CD93: variants seen among roughly 807,000 people sequenced by gnomAD.
CD93 encodes complement component C1q receptor.
CD93 carries 44 observed loss-of-function variants against 45.5 expected under a neutral mutation model. That is an observed-to-expected ratio of 0.97 (90% CI 0.76 to 1.24). The LOEUF is 1.24. Among genes scored for constraint, CD93 ranks in the 50% most tolerant of loss-of-function variants. The probability of loss-of-function intolerance (pLI) is 0.00; values close to 1 mark genes in which losing one functional copy is unlikely to be tolerated. For synonymous variants in CD93, 431 were observed against 370.8 expected, an observed-to-expected ratio of 1.16 and a Z score of -1.87; for missense variants, 918 against 844.5, an observed-to-expected ratio of 1.09 and a Z score of -1.08.
At position 23,083,198 on chromosome 20, in the gene CD93, G is replaced by C. The variant is rs918582965; in HGVS notation, c.*752C>G. The C allele has an allele frequency of 2.6e-5, 4 of 152,180 alleles. No homozygotes were observed. Among genetic ancestry groups the C allele is most frequent in the Non-Finnish European group, 5.9e-5 (4 of 68,046 alleles). 9.4% of individuals were successfully genotyped at this position (152,180 alleles called of 1,614,324 possible). On this transcript the variant is annotated 3_prime_UTR_variant, in exon 2 of 2. Coordinates refer to ENST00000246006, the MANE Select transcript of CD93 (RefSeq NM_012072.4). ...TGTGAACAAATCCCTGGCCTCTCTCGCCCTAGCCCCGTAGATTATGTGACT... is the reference window on the plus strand; with the variant it reads ...TGTGAACAAATCCCTGGCCTCTCTCCCCCTAGCCCCGTAGATTATGTGACT...
At position 23,079,945 on chromosome 20, in the gene CD93, T is replaced by C. The variant is rs1236958406; in HGVS notation, c.*4005A>G. On this transcript the variant is annotated 3_prime_UTR_variant, in exon 2 of 2. Transcript: ENST00000246006. ...ATAGTGTCTTTGATTAGTGAATATA[T>C]GGAGAATTCGGATTATCATCTCTAT... 1 of 151,824 alleles carries C rather than the reference T, an allele frequency of 6.6e-6. No individual in the cohort carries two copies. The highest frequency in any genetic ancestry group is 1.5e-5 in the Non-Finnish European group (1 of 68,006). The allele number at this position is 151,824 out of a possible 1,614,324, so 9.4% of individuals were successfully genotyped here. A position where few individuals can be genotyped will look rare whatever the true frequency, so the allele number is the denominator to read the frequency against.
Position 23,085,047 on chromosome 20 carries a change from G to A in CD93, c.1146C>T (p.Ala382=). 1.2e-6 allele frequency: 2 copies of A among 1,613,898 alleles called. No homozygotes were observed. Among genetic ancestry groups the A allele is most frequent in the Non-Finnish European group, 1.7e-6 (2 of 1,179,946 alleles). ...GYEPGGPGEG[A]CQDVDECALG... is the part of the protein sequence containing the mutation. Reference sequence around the variant, plus strand: ...GAGCACACTCATCCACATCCTGACAGGCCCCCTCTCCAGGACCGCCCGGCT... The same window carrying A: ...GAGCACACTCATCCACATCCTGACAAGCCCCCTCTCCAGGACCGCCCGGCT... Residue 382 remains alanine (A), a synonymous_variant, in exon 1 of 2, where the codon GCC becomes GCT. Transcript: ENST00000246006.
chr20:23,084,662 TG>T lies in CD93; in HGVS notation c.1530del (p.Lys511ArgfsTer77), dbSNP rs1985423143. On this transcript the variant is annotated frameshift_variant, in exon 1 of 2. Coordinates refer to ENST00000246006, the MANE Select transcript of CD93 (RefSeq NM_012072.4). LOFTEE classifies it high-confidence loss of function. ...GGTCTACTTGTGGTGGGTGTAGCCT[TG>T]GGGGTGCCCTCGGGGCCCCTTGTGG... is the stretch of plus-strand genomic sequence containing the variant. ...ASPTRGPEGT[P>X]KATPTTSRPS... 2 of 1,590,488 alleles carry T rather than the reference TG, an allele frequency of 1.3e-6. No homozygotes were observed. Among genetic ancestry groups the T allele is most frequent in the East Asian group, 2.2e-5 (1 of 44,658 alleles).
At position 23,084,694 on chromosome 20, in the gene CD93, G is replaced by T; in HGVS notation, c.1499C>A (p.Ala500Asp). The part of the protein sequence containing the change: ...EGSTVPRAAT[A>D]SPTRGPEGTP... ...GCCCTCGGGGCCCCTTGTGGGACTG[G>T]CTGTTGCAGCACGGGGCACGGTGCT... The change falls in exon 1 of 2, where the codon GCC becomes GAC. Residue 500 changes from alanine to aspartate, a missense_variant. Transcript: ENST00000246006. 1 of 1,586,848 alleles carries T rather than the reference G, an allele frequency of 6.3e-7. No homozygotes were observed. Among genetic ancestry groups the T allele is most frequent in the Non-Finnish European group, 8.6e-7 (1 of 1,167,378 alleles).
In CD93 at chr20:23,084,799, AC is replaced by A; in HGVS notation, c.1393del (p.Val465SerfsTer123). 1.7e-5 allele frequency: 28 copies of A among 1,612,952 alleles called. No homozygotes were observed. The highest frequency in any genetic ancestry group is 2.4e-5 in the Non-Finnish European group (28 of 1,179,912). On this transcript the variant is annotated frameshift_variant, in exon 1 of 2. Coordinates refer to ENST00000246006, the MANE Select transcript of CD93 (RefSeq NM_012072.4). LOFTEE classifies it high-confidence loss of function. ...AGACACAGGCCCCATGGTGCAAGAG[AC>A]CCCATTTGGGGCCAGCACCCAGCCT... ...LPGWVLAPNGVSCTMGPVSLG... is the reference protein window; with the variant it reads ...LPGWVLAPNGXSCTMGPVSLG...
chr20:23,085,980 G>A lies in CD93; in HGVS notation c.213C>T (p.His71=), dbSNP rs778708413. ...ATVKSKEEAQ[H]VQRVLAQLLR... ...GGAGCTGGGCCAGTACTCGCTGGAC[G>A]TGCTGGGCCTCCTCCTTGCTCTTCA... Residue 71 remains histidine, a synonymous_variant, in exon 1 of 2, where the codon CAC becomes CAT. Transcript: ENST00000246006. 3.1e-6 allele frequency: 5 copies of A among 1,610,886 alleles called. No homozygotes were observed. In the South Asian group the frequency reaches 3.3e-5, roughly 11 times the overall value.
rs764108866 is a variant in CD93, at chr20:23,086,166, C to A, written c.27G>T (p.Leu9=). MATSMGLL[L]LLLLLLTQPG... is the part of the protein sequence containing the mutation. The stretch of plus-strand genomic sequence containing the variant: ...GCTGGGTCAGGAGCAGCAGCAGCAG[C>A]AGCAGCAGGCCCATGGAGGTGGCCA... Residue 9 remains leucine (L), a synonymous_variant, in exon 1 of 2, where the codon CTG becomes CTT. Transcript: ENST00000246006. 6.4e-7 allele frequency: 1 copy of A among 1,554,134 alleles called. No homozygotes were observed. Among genetic ancestry groups the A allele is most frequent in the South Asian group, 1.2e-5 (1 of 85,870 alleles).
rs138932459 is a variant in CD93 at position 23,085,534 on chromosome 20, G to A, written c.659C>T (p.Ala220Val). The A allele has an allele frequency of 7.1e-5, 114 of 1,613,752 alleles. No individual in the cohort carries two copies. Among genetic ancestry groups the A allele is most frequent in the African/African-American group, 2.1e-4 (16 of 74,940 alleles). ...ACCTTCCCCACAGGCTACATTGGCC[G>A]CAGAGGCAAAGGGCACAGCCTCCAA... Reference protein sequence around the residue: ...SSLEAVPFASAANVACGEGDK... With the variant: ...SSLEAVPFASVANVACGEGDK... The change falls in exon 1 of 2, where the codon GCG becomes GTG. Residue 220 changes from alanine (A) to valine (V), a missense_variant. Ala to Val is a moderately conservative substitution (Grantham distance 64). Transcript: ENST00000246006.
rs546078067 is a variant in CD93 at position 23,084,339 on chromosome 20, C to A, written c.1854G>T (p.Glu618Asp). 6.2e-7 allele frequency: 1 copy of A among 1,614,230 alleles called. No homozygotes were observed. Among genetic ancestry groups the A allele is most frequent in the East Asian group, 2.2e-5 (1 of 44,888 alleles). ...TGTCTGCCGCATTCTGGGGCTTCTT[C>A]TCCTTCTTCTCCTCCCTCTTCGCTC... ...KRRAKREEKK[E>D]KKPQNAADSY... is the part of the protein sequence containing the mutation. Residue 618 changes from glutamate to aspartate, a missense_variant, in exon 1 of 2, where the codon GAG becomes GAT. Physicochemically the swap from Glu to Asp is conservative, Grantham distance 45 (BLOSUM62 2). Transcript: ENST00000246006.
In CD93 at chr20:23,085,987, G is replaced by C. The variant is rs748118858; in HGVS notation, c.206C>G (p.Ala69Gly). 3.1e-6 allele frequency: 5 copies of C among 1,610,860 alleles called. No individual in the cohort carries two copies. In the African/African-American group the frequency reaches 6.7e-5, roughly 22 times the overall value. Reference protein sequence around the residue: ...NLATVKSKEEAQHVQRVLAQL... With the variant: ...NLATVKSKEEGQHVQRVLAQL... ...GGCCAGTACTCGCTGGACGTGCTGGGCCTCCTCCTTGCTCTTCACAGTGGC... is the reference window on the plus strand; with the variant it reads ...GGCCAGTACTCGCTGGACGTGCTGGCCCTCCTCCTTGCTCTTCACAGTGGC... Residue 69 changes from alanine to glycine, a missense_variant, in exon 1 of 2, where the codon GCC becomes GGC. Ala to Gly is a moderately conservative substitution (Grantham distance 60). Transcript: ENST00000246006.
Position 23,080,105 on chromosome 20 carries a change from A to T in CD93, c.*3845T>A, listed in dbSNP as rs78190327. The T allele has an allele frequency of 4.2e-3, 635 of 152,564 alleles. 2 individuals are homozygous for T. The highest frequency in any genetic ancestry group is 7.3e-3 in the Non-Finnish European group (494 of 68,016). 9.5% of individuals were successfully genotyped at this position (152,564 alleles called of 1,614,324 possible). A position where few individuals can be genotyped will look rare whatever the true frequency, so the allele number is the denominator to read the frequency against. On this transcript the variant is annotated 3_prime_UTR_variant, in exon 2 of 2. Coordinates refer to ENST00000246006, the MANE Select transcript of CD93 (RefSeq NM_012072.4). ...ATTGTTCAAGGTGATGGAAATATGT[A>T]GGGGGCATTAAACCATTTTGCAGCT...
Position 23,085,803 on chromosome 20 carries a change from C to CT in CD93, c.389dup (p.Glu131GlyfsTer32). ...TGGAGATGCACGAGTTCCGGAGCTC[C>CT]TTGTGCCAGTTAGAGTAAGGCGTGT... On this transcript the variant is annotated frameshift_variant, in exon 1 of 2. Transcript: ENST00000246006. LOFTEE classifies it high-confidence loss of function. The CT allele has an allele frequency of 6.2e-7, 1 of 1,611,678 alleles. No individual in the cohort carries two copies. Among genetic ancestry groups the CT allele is most frequent in the Non-Finnish European group, 8.5e-7 (1 of 1,179,542 alleles).
In CD93 at chr20:23,083,872, G is replaced by T; in HGVS notation, c.*78C>A. On this transcript the variant is annotated 3_prime_UTR_variant, in exon 2 of 2. Coordinates refer to ENST00000246006, the MANE Select transcript of CD93 (RefSeq NM_012072.4). ...AGTCCAGTCTTTCAAAAAAATGTGG[G>T]TGCCCCTTTGGAATGGGGAGTTCAA... 1.5e-6 allele frequency: 2 copies of T among 1,336,282 alleles called. No individual in the cohort carries two copies. The highest frequency in any genetic ancestry group is 2.2e-6 in the Non-Finnish European group (2 of 926,220). 82.8% of individuals were successfully genotyped at this position (1,336,282 alleles called of 1,614,324 possible).
At position 23,085,018 on chromosome 20, in the gene CD93, C is replaced by T; in HGVS notation, c.1175G>A (p.Gly392Asp). ...ACQDVDECAL[G>D]RSPCAQGCTN... ...GCAGCCCTGGGCGCAAGGCGAGCGA[C>T]CCAGAGCACACTCATCCACATCCTG... The change falls in exon 1 of 2, where the codon GGT (glycine) becomes GAT (aspartate). Residue 392 changes from glycine (G) to aspartate (D), a missense_variant. Physicochemically the swap from Gly to Asp is moderately conservative, Grantham distance 94. Coordinates refer to ENST00000246006, the MANE Select transcript of CD93 (RefSeq NM_012072.4). 1 of 1,613,958 alleles carries T rather than the reference C, an allele frequency of 6.2e-7. No individual in the cohort carries two copies. The highest frequency in any genetic ancestry group is 1.1e-5 in the South Asian group (1 of 91,080).
Position 23,084,886 on chromosome 20 carries a change from C to G in CD93, c.1307G>C (p.Gly436Ala). The stretch of plus-strand genomic sequence containing the variant: ...GAAGCACAAGCTGTCGCAGAGGGGG[C>G]CCCCCGGGCCCACACACTCATCCAC... ...QDVDECVGPG[G>A]PLCDSLCFNT... Residue 436 changes from glycine (G) to alanine (A), a missense_variant, in exon 1 of 2, where the codon GGC becomes GCC. Gly to Ala is a moderately conservative substitution (Grantham distance 60, BLOSUM62 0). Coordinates refer to ENST00000246006, the MANE Select transcript of CD93 (RefSeq NM_012072.4). The G allele has an allele frequency of 7.4e-6, 12 of 1,611,574 alleles. No homozygotes were observed. Among genetic ancestry groups the G allele is most frequent in the African/African-American group, 1.3e-5 (1 of 74,978 alleles).
At position 23,085,465 on chromosome 20, in the gene CD93, T is replaced by C. The variant is rs182011354; in HGVS notation, c.728A>G (p.Lys243Arg). 4 of 1,613,910 alleles carry C rather than the reference T, an allele frequency of 2.5e-6. No individual in the cohort carries two copies. The highest frequency in any genetic ancestry group is 2.2e-5 in the East Asian group (1 of 44,868). Residue 243 changes from lysine to arginine, a missense_variant, in exon 1 of 2, where the codon AAG (lysine) becomes AGG (arginine). Transcript: ENST00000246006. Reference sequence around the variant, plus strand: ...GCCCCAGTCGAACACATCGGGGGCCTTCTCCTTGCACAGGAAATAATGACT... The same window carrying C: ...GCCCCAGTCGAACACATCGGGGGCCCTCTCCTTGCACAGGAAATAATGACT... ...TQSHYFLCKE[K>R]APDVFDWGSS...
Position 23,086,043 on chromosome 20 carries a change from C to T in CD93, c.150G>A (p.Gln50=), listed in dbSNP as rs763212375. ...TGCCCCCGTTCTGGTTGCAGTGGTT[C>T]TGGGCCTCGGCAGCGCTCAGCTTGC... ...HSGKLSAAEA[Q]NHCNQNGGNL... is the part of the protein sequence containing the mutation. The change falls in exon 1 of 2, where the codon CAG becomes CAA. Residue 50 remains glutamine, a synonymous_variant. Coordinates refer to ENST00000246006, the MANE Select transcript of CD93 (RefSeq NM_012072.4). The T allele has an allele frequency of 6.2e-7, 1 of 1,608,420 alleles. No individual in the cohort carries two copies. The highest frequency in any genetic ancestry group is 1.7e-5 in the Admixed American group (1 of 59,844).
rs1466562559 is a variant in CD93, at chr20:23,084,790, G to A, written c.1403C>T (p.Thr468Ile). ...WVLAPNGVSC[T>I]MGPVSLGPPS... The stretch of plus-strand genomic sequence containing the variant: ...TGGTCCCAGAGACACAGGCCCCATG[G>A]TGCAAGAGACCCCATTTGGGGCCAG... Residue 468 changes from threonine (T) to isoleucine (I), a missense_variant, in exon 1 of 2, where the codon ACC becomes ATC. By Grantham distance (89) the Thr-to-Ile change is moderately conservative. Transcript: ENST00000246006. The A allele has an allele frequency of 4.3e-6, 7 of 1,613,108 alleles. No individual in the cohort carries two copies. Among genetic ancestry groups the A allele is most frequent in the Non-Finnish European group, 5.9e-6 (7 of 1,179,968 alleles).
Position 23,084,912 on chromosome 20 carries a change from G to C in CD93, c.1281C>G (p.Asp427Glu), listed in dbSNP as rs539615668. ...LAGEDGTQCQDVDECVGPGGP... is the reference protein window; with the variant it reads ...LAGEDGTQCQEVDECVGPGGP... ...CCCCCGGGCCCACACACTCATCCAC[G>C]TCCTGGCACTGAGTCCCGTCCTCCC... Residue 427 changes from aspartate (D) to glutamate (E), a missense_variant, in exon 1 of 2, where the codon GAC (aspartate) becomes GAG (glutamate). Coordinates refer to ENST00000246006, the MANE Select transcript of CD93 (RefSeq NM_012072.4). The C allele has an allele frequency of 2.5e-6, 4 of 1,613,146 alleles. No homozygotes were observed. Among genetic ancestry groups the C allele is most frequent in the Non-Finnish European group, 3.4e-6 (4 of 1,179,926 alleles).
Sources: allele counts gnomAD v4.1 joint callset, GRCh38; gene constraint gnomAD v4.1.1; transcripts MANE v1.5; gene names NCBI Gene and HGNC (gene_info 2026-07-23, HGNC 2026-07-21).